FGF7: variants seen among roughly 807,000 people sequenced by gnomAD.
The protein encoded by FGF7 is fibroblast growth factor 7, also known as FGF-7.
In FGF7, 6 loss-of-function variants were observed where a neutral mutation model predicts 20.5. That is an observed-to-expected ratio of 0.29 (90% confidence interval 0.16 to 0.58). FGF7 has a LOEUF of 0.58. FGF7 is among the 20% of genes least tolerant of loss of function. FGF7 has a pLI of 0.90. For synonymous variants in FGF7, 64 were observed against 74.7 expected (o/e 0.86, Z 0.74); for missense variants, 144 against 228.8 (o/e 0.63, Z 2.39).
chr15:49,487,143 A>G lies in FGF7; in HGVS notation c.*2639A>G, dbSNP rs933434382. 3.9e-4 allele frequency: 60 copies of G among 152,036 alleles called. 2 individuals are homozygous for G. Among genetic ancestry groups the G allele is most frequent in the Admixed American group, 2.8e-3 (42 of 15,244 alleles). 9.4% of individuals were successfully genotyped at this position (152,036 alleles called of 1,614,324 possible). A position where few individuals can be genotyped will look rare whatever the true frequency, so the allele number is the denominator to read the frequency against. On this transcript the variant is annotated 3_prime_UTR_variant, in exon 4 of 4. Transcript: ENST00000267843. ...CAATGCACTTCATACACAATGACTA[A>G]TCTATACTGTGATGATTTGACTCAA...
intron 2 of FGF7, among the ~76,000 whole-genome samples, chr15:49,434,845 CTAAT>C (rs2050945831): frequency 3.3e-5 from 5 of 150,988 alleles, no homozygotes; most frequent in South Asian, 2.1e-4. Context: ...TAATAAAAAA[CTAAT>C]TAATAATTAA....
At chr15:49,478,024 C>G (rs951687392) in intron 2 of FGF7, among the ~76,000 whole-genome samples, 4 of 152,164 alleles carry the variant, frequency 2.6e-5, no homozygotes, top group Non-Finnish European at 5.9e-5. Flanking sequence ...GCTCCCATCA[C>G]CCAGGTACTG....
At chr15:49,477,051 C>T (rs1012936835) in intron 2 of FGF7, among the ~76,000 whole-genome samples, 4 of 140,906 alleles carry the variant, frequency 2.8e-5, no homozygotes, top group South Asian at 2.2e-4. Context: ...CAAAGCGAGA[C>T]TCTGTCTCGA....
At chr15:49,427,942 G>A (rs1191106719) in intron 2 of FGF7, among the ~76,000 whole-genome samples, 2 of 151,976 alleles carry the variant, frequency 1.3e-5, no homozygotes, top group Non-Finnish European at 2.9e-5. Context: ...TGGATTGTGA[G>A]GTTGTCACTT....
intron 2 of FGF7, 45 bp downstream of exon 2, chr15:49,424,628 A>T (rs747707846): frequency 7.1e-7 from 1 of 1,413,614 alleles, no homozygotes; most frequent in Non-Finnish European, 9.5e-7. Context: ...CAATCTGTTA[A>T]TGGATCAATT....
chr15:49,463,699 A>G (rs546499044), intron 2 of FGF7, among the ~76,000 whole-genome samples: 2 of 152,272 alleles, frequency 1.3e-5, no homozygotes, highest in South Asian at 2.1e-4. Context: ...ACAGTGTTTT[A>G]TGCTTCTGTG....
chr15:49,477,349 T>C (rs375419919), intron 2 of FGF7, among the ~76,000 whole-genome samples: 13 of 152,242 alleles, frequency 8.5e-5, no homozygotes, highest in African/African-American at 3.1e-4. Flanking sequence ...TTTTCTGCTC[T>C]CCTCAAGGCC....
chr15:49,460,063 CA>C (rs1345005681), intron 2 of FGF7, among the ~76,000 whole-genome samples: 1 of 152,112 alleles, frequency 6.6e-6, no homozygotes, highest in Non-Finnish European at 1.5e-5. Context: ...TCTCTACCAA[CA>C]ACAAACTTTA....
intron 2 of FGF7, among the ~76,000 whole-genome samples, chr15:49,476,210 C>T (rs1296238643): frequency 2.4e-4 from 22 of 91,498 alleles, no homozygotes; most frequent in Non-Finnish European, 4.7e-4. Context: ...ATTTATTTTG[C>T]TGTTTTGTTT....
intron 2 of FGF7, among the ~76,000 whole-genome samples, chr15:49,471,057 T>C (rs1354611646): frequency 6.6e-6 from 1 of 152,220 alleles, no homozygotes; most frequent in African/African-American, 2.4e-5. Flanking sequence ...AAAAGTCTTG[T>C]TGATACTCTT....
intron 2 of FGF7, among the ~76,000 whole-genome samples, chr15:49,476,826 G>A (rs1295588358): frequency 2.6e-5 from 4 of 152,136 alleles, no homozygotes; most frequent in Non-Finnish European, 4.4e-5. Context: ...TTGGGAGGCT[G>A]AGGTGGGCAG....
intron 2 of FGF7, among the ~76,000 whole-genome samples, chr15:49,446,935 T>C (rs2052275803): frequency 6.6e-6 from 1 of 151,248 alleles, no homozygotes; most frequent in Admixed American, 6.6e-5. Flanking sequence ...TCAGGAGAGA[T>C]AAAAGGCAGA....
At chr15:49,483,111 T>C (rs1306370597) in intron 2 of FGF7, 40 bp from the exon 3 acceptor site, 1 of 1,134,766 alleles carries the variant, frequency 8.8e-7, no homozygotes, top group African/African-American at 1.5e-5. Flanking sequence ...TTTGCAAAAC[T>C]GAACGAATAT....
intron 2 of FGF7, among the ~76,000 whole-genome samples, chr15:49,430,420 A>G (rs1049706302): frequency 6.6e-6 from 1 of 151,878 alleles, no homozygotes; most frequent in African/African-American, 2.4e-5. Context: ...CACACAACCA[A>G]GTTCAAAGGC....
intron 2 of FGF7, among the ~76,000 whole-genome samples, chr15:49,470,647 T>C (rs920339807): frequency 2.0e-5 from 3 of 152,156 alleles, no homozygotes; most frequent in Admixed American, 6.6e-5. Context: ...TCAACATCCA[T>C]TGGGCCTGGA....
chr15:49,473,565 C>A (rs12440323), intron 2 of FGF7, among the ~76,000 whole-genome samples: 1 of 151,868 alleles, frequency 6.6e-6, no homozygotes, highest in Non-Finnish European at 1.5e-5. Context: ...AATATTGTGA[C>A]AATCATATTG....
At chr15:49,443,689 CCTT>C (rs1400485036) in intron 2 of FGF7, among the ~76,000 whole-genome samples, 1 of 151,686 alleles carries the variant, frequency 6.6e-6, no homozygotes, top group African/African-American at 2.4e-5. Flanking sequence ...CATTCATTTA[CCTT>C]CTTCTTACTT....
intron 2 of FGF7, among the ~76,000 whole-genome samples, chr15:49,475,880 A>G (rs2055218842): frequency 6.6e-6 from 1 of 152,138 alleles, no homozygotes; most frequent in Non-Finnish European, 1.5e-5. Context: ...TGCAGCTACA[A>G]GGGAGGCTGA....
chr15:49,452,752 T>C (rs888021673), intron 2 of FGF7, among the ~76,000 whole-genome samples: 1 of 152,178 alleles, frequency 6.6e-6, no homozygotes, highest in Non-Finnish European at 1.5e-5. Context: ...ATCTAATCTA[T>C]GTGCTTACAA....
Sources: gnomAD v4.1 joint callset for allele counts (sites outside exome capture counted in the v4.1 genomes callset) on GRCh38, gnomAD v4.1.1 for gene constraint, MANE v1.5 for transcripts, NCBI Gene and HGNC (gene_info 2026-07-23, HGNC 2026-07-21) for gene names.